ACOT7: variants seen among roughly 807,000 people sequenced by gnomAD.
ACOT7 encodes the protein cytosolic acyl coenzyme A thioester hydrolase.
In ACOT7, 12 loss-of-function variants were observed where a neutral mutation model predicts 40.2. The ratio of observed to expected loss-of-function variants is 0.30; its 90% CI spans 0.19 to 0.48. The LOEUF is 0.48. Ranked by LOEUF, ACOT7 falls within the 20% of genes least tolerant of loss-of-function variation. The pLI is 0.99. For synonymous variants in ACOT7, 228 were observed against 219.5 expected (o/e 1.04, Z -0.34); for missense variants, 395 against 530.8 (o/e 0.74, Z 2.51).
intron 1 of ACOT7, among the ~76,000 whole-genome samples, chr1:6,392,520 T>C (rs1360128116): frequency 6.6e-6 from 1 of 152,166 alleles, no homozygotes; most frequent in Non-Finnish European, 1.5e-5. Context: ...GGGGCCTGCA[T>C]CTATCTACTC....
In ACOT7 at chr1:6,306,198, A is replaced by C; in HGVS notation, c.713-11218T>G. On this transcript the variant is annotated intron_variant, in intron 6 of 8. Coordinates refer to ENST00000361521, the MANE Select transcript of ACOT7 (RefSeq NM_007274.4). This position sits in a 1 kb window ranked among gnomAD's most constrained non-coding sequence, Gnocchi z 4.3. ...ACCGTGGCAAGAGAGGGAGAGGGAG[A>C]CCGTGGGGAGAGGGGGAGGGGGAGG... is the stretch of plus-strand genomic sequence containing the variant. 1 of 811,120 alleles carries C rather than the reference A, an allele frequency of 1.2e-6. No individual in the cohort carries two copies. The highest frequency in any genetic ancestry group is 6.4e-4 in the Middle Eastern group (1 of 1,554). The allele number at this position is 811,120 out of a possible 1,614,324, so 50.2% of individuals were successfully genotyped here.
At chr1:6,322,523 C>T (rs938743360) in intron 5 of ACOT7, among the ~76,000 whole-genome samples, 1 of 152,244 alleles carries the variant, frequency 6.6e-6, no homozygotes, top group South Asian at 2.1e-4. Context: ...ATTCGTCTCA[C>T]AGCCCTGGAG....
chr1:6,335,381 G>A (rs1641073189), intron 3 of ACOT7, among the ~76,000 whole-genome samples: 1 of 151,558 alleles, frequency 6.6e-6, no homozygotes. Flanking sequence ...GCACACATGT[G>A]GTCCCAAAGG....
At chr1:6,293,266 C>A (rs138138063) in intron 7 of ACOT7, among the ~76,000 whole-genome samples, 4 of 152,154 alleles carry the variant, frequency 2.6e-5, no homozygotes, top group African/African-American at 9.7e-5. Context: ...ATGGAATGCA[C>A]GTTTCCCACT....
At chr1:6,354,894 C>G (rs1641700926) in intron 1 of ACOT7, among the ~76,000 whole-genome samples, 1 of 151,644 alleles carries the variant, frequency 6.6e-6, no homozygotes, top group African/African-American at 2.4e-5. Flanking sequence ...TGCCTCTTGC[C>G]TTGGCTGAGA....
intron 2 of ACOT7, among the ~76,000 whole-genome samples, chr1:6,343,212 G>A (rs929959429): frequency 7.2e-5 from 11 of 152,314 alleles, no homozygotes; most frequent in African/African-American, 2.6e-4. Flanking sequence ...TCAAGCCCTG[G>A]TGTGTGCGTC....
rs74679012 is a variant in ACOT7, at chr1:6,330,420, T to G, written c.511-3007A>C. Among the ~76,000 whole-genome samples, 3 of 152,212 alleles carry G rather than the reference T, an allele frequency of 2.0e-5. No homozygotes were observed. The East Asian group carries it at 5.8e-4, about 29-fold the overall frequency. On this transcript the variant is annotated intron_variant, in intron 4 of 8. Coordinates refer to ENST00000361521, the MANE Select transcript of ACOT7 (RefSeq NM_007274.4). This position sits in a 1 kb window ranked among gnomAD's most constrained non-coding sequence, Gnocchi z 4.6. The stretch of plus-strand genomic sequence containing the variant: ...TATACTACGTGGGCCTAGCGTGTGT[T>G]GGGGGGAAGATGGTGCAAAGAGCTC...
At chr1:6,385,227 G>A (rs1642414894) in intron 1 of ACOT7, among the ~76,000 whole-genome samples, 2 of 151,878 alleles carry the variant, frequency 1.3e-5, no homozygotes, top group Admixed American at 6.5e-5. Flanking sequence ...CAGAGGCCCA[G>A]ATTCCCACAG....
In ACOT7 at chr1:6,282,607, T is replaced by A. The variant is rs1639387180; in HGVS notation, c.830-1321A>T. On this transcript the variant is annotated intron_variant, in intron 7 of 8. Transcript: ENST00000361521. The surrounding 1 kb of genome is among the most constrained non-coding windows in gnomAD (Gnocchi z 4.5). Reference sequence around the variant, plus strand: ...ACAAGGCAGGTTTAGAGACCCAGAGTGAGAAAGCGGCCAGGTGGTGGCTGT... The same window carrying A: ...ACAAGGCAGGTTTAGAGACCCAGAGAGAGAAAGCGGCCAGGTGGTGGCTGT... 1 of 739,040 alleles carries A rather than the reference T, an allele frequency of 1.4e-6. No individual in the cohort carries two copies. Among genetic ancestry groups the A allele is most frequent in the Non-Finnish European group, 2.0e-6 (1 of 491,054 alleles). 45.8% of individuals were successfully genotyped at this position (739,040 alleles called of 1,614,324 possible).
chr1:6,339,291 C>A, intron 3 of ACOT7, 142 bp downstream of exon 3: 1 of 1,212,196 alleles, frequency 8.2e-7, no homozygotes, highest in East Asian at 2.5e-5. Context: ...ATAGCTGCTC[C>A]CAGGGCCATG....
chr1:6,378,925 T>G (rs1183304588), intron 1 of ACOT7, among the ~76,000 whole-genome samples: 1 of 151,912 alleles, frequency 6.6e-6, no homozygotes, highest in East Asian at 1.9e-4. Flanking sequence ...AGACGGAGTC[T>G]TGCTCTGTTG....
In ACOT7 at chr1:6,374,687, C is replaced by A. The variant is rs116752444; in HGVS notation, c.143+18570G>T. On this transcript the variant is annotated intron_variant, in intron 1 of 8. Coordinates refer to ENST00000361521, the MANE Select transcript of ACOT7 (RefSeq NM_007274.4). The stretch of plus-strand genomic sequence containing the variant: ...CCCTAGGTCACTGCGCCTGGAGGGC[C>A]TCAGTGTCTTCACCTGTAAATGGAG... Among the ~76,000 whole-genome samples the A allele has an allele frequency of 6.9e-3, 1,057 of 152,290 alleles. 16 individuals are homozygous for A. Among genetic ancestry groups the A allele is most frequent in the African/African-American group, 0.024 (1,002 of 41,558 alleles).
chr1:6,373,674 G>C (rs1642174776), intron 1 of ACOT7, among the ~76,000 whole-genome samples: 1 of 151,162 alleles, frequency 6.6e-6, no homozygotes, highest in South Asian at 2.2e-4. Context: ...AGACCAGCCT[G>C]ACCAACATGG....
chr1:6,294,673 T>C lies in ACOT7; in HGVS notation c.829+191A>G, dbSNP rs796100007. 2.6e-5 allele frequency among the ~76,000 whole-genome samples: 4 copies of C among 152,188 alleles called. No individual in the cohort carries two copies. Among genetic ancestry groups the C allele is most frequent in the African/African-American group, 9.6e-5 (4 of 41,522 alleles). On this transcript the variant is annotated intron_variant, in intron 7 of 8. Coordinates refer to ENST00000361521, the MANE Select transcript of ACOT7 (RefSeq NM_007274.4). This position sits in a 1 kb window ranked among gnomAD's most constrained non-coding sequence, Gnocchi z 4.6. ...CCCCGTCATATCTGAGTCAAGGATTTTACCAGATTGAAACATCAAGTCAAT... is the reference window on the plus strand; with the variant it reads ...CCCCGTCATATCTGAGTCAAGGATTCTACCAGATTGAAACATCAAGTCAAT...
rs532510600 is a variant in ACOT7, at chr1:6,288,346, T to A, written c.829+6518A>T. Among the ~76,000 whole-genome samples, 4 of 152,226 alleles carry A rather than the reference T, an allele frequency of 2.6e-5. No homozygotes were observed. Among genetic ancestry groups the A allele is most frequent in the Non-Finnish European group, 5.9e-5 (4 of 68,040 alleles). On this transcript the variant is annotated intron_variant, in intron 7 of 8. Transcript: ENST00000361521. This position sits in a 1 kb window ranked among gnomAD's most constrained non-coding sequence, Gnocchi z 4.3. ...GTCGCACAGATGAAGCGGTCCTTCC[T>A]TCACCCCAACTGCCTGGTGAGAGTT... is the stretch of plus-strand genomic sequence containing the variant.
intron 8 of ACOT7, among the ~76,000 whole-genome samples, chr1:6,280,231 C>T (rs1168692917): frequency 2.6e-5 from 4 of 152,254 alleles, no homozygotes; most frequent in Admixed American, 6.5e-5. Context: ...GCTCCTACAG[C>T]TCTGCTTTCC....
At chr1:6,387,560 A>T (rs2148484031) in intron 1 of ACOT7, among the ~76,000 whole-genome samples, 1 of 152,232 alleles carries the variant, frequency 6.6e-6, no homozygotes, top group South Asian at 2.1e-4. Flanking sequence ...CCCCCTCCCC[A>T]GGAGGGCTCT....
chr1:6,313,589 A>G (rs1640401941), intron 6 of ACOT7, among the ~76,000 whole-genome samples: 1 of 152,184 alleles, frequency 6.6e-6, no homozygotes, highest in African/African-American at 2.4e-5. Flanking sequence ...ACCCACCCAC[A>G]GATGTGGCCA....
chr1:6,297,294 T>C (rs551667815), intron 6 of ACOT7, among the ~76,000 whole-genome samples: 1 of 152,116 alleles, frequency 6.6e-6, no homozygotes. Flanking sequence ...TGCCTCGGCC[T>C]CCCAAAGTGC....
Sources: gnomAD v4.1 joint callset for allele counts (sites outside exome capture counted in the v4.1 genomes callset) on GRCh38, gnomAD v4.1.1 for gene constraint, Gnocchi (gnomAD v3.1) non-coding constraint, MANE v1.5 for transcripts, NCBI Gene and HGNC (gene_info 2026-07-23, HGNC 2026-07-21) for gene names.